Variants in TCEANC2 observed in about 807,000 individuals in gnomAD.
TCEANC2 encodes transcription elongation factor A N-terminal and central domain-containing protein 2.
A neutral mutation model predicts 22.8 loss-of-function variants in TCEANC2; 20 were observed. That is an observed-to-expected ratio of 0.88 (90% confidence interval 0.62 to 1.28). The LOEUF (loss-of-function observed/expected upper bound fraction) is 1.28. Among genes scored for constraint, TCEANC2 ranks in the 50% most tolerant of loss-of-function variants. The pLI is 0.00. For missense variants in TCEANC2, 251 were observed against 249.7 expected (o/e 1.01, Z -0.03); for synonymous variants, 84 against 95.5 (o/e 0.88, Z 0.70).
downstream of TCEANC2, among the ~76,000 whole-genome samples, chr1:54,109,832 C>G (rs1009767815): frequency 6.6e-6 from 1 of 152,182 alleles, no homozygotes; most frequent in African/African-American, 2.4e-5. Context: ...ATGTAGACAG[C>G]AAGGCTCCCA....
intron 3 of TCEANC2, among the ~76,000 whole-genome samples, chr1:54,075,911 GGCTGAGGCAGGAGAACCCGGGAA>G (rs1214812617): frequency 4.6e-5 from 7 of 151,834 alleles, no homozygotes; most frequent in South Asian, 2.1e-4. Context: ...CTACTCGGGA[GGCTGAGGCAGGAGAACCCGGGAA>G]GCTGAGGCAG....
intron 3 of TCEANC2, among the ~76,000 whole-genome samples, chr1:54,084,020 GT>G (rs34774545): frequency 0.33 from 48,758 of 146,424 alleles, 8,067 homozygotes; most frequent in Admixed American, 0.44. Context: ...GTTTTGTCGG[GT>G]TTTTTTTTTT....
chr1:54,109,541 C>T (rs570772800), downstream of TCEANC2, among the ~76,000 whole-genome samples: 2 of 152,190 alleles, frequency 1.3e-5, no homozygotes, highest in Non-Finnish European at 2.9e-5. Flanking sequence ...TATTTGTTAA[C>T]CAGCAAATAT....
At position 54,104,834 on chromosome 1, in the gene TCEANC2, G is replaced by A. The variant is rs1439824059; in HGVS notation, c.*8361G>A. The A allele has an allele frequency of 1.1e-5, 4 of 350,172 alleles. No homozygotes were observed. Among genetic ancestry groups the A allele is most frequent in the East Asian group, 7.8e-5 (1 of 12,802 alleles). The allele number at this position is 350,172 out of a possible 1,614,324, so 21.7% of individuals were successfully genotyped here. ...TGGGATTACAGGCGTGAGCCACTGC[G>A]CCTGGCCCCTTGCCCAATATTTATA... On this transcript the variant is annotated 3_prime_UTR_variant, in exon 5 of 5. Coordinates refer to ENST00000234827, the MANE Select transcript of TCEANC2 (RefSeq NM_153035.3).
chr1:54,081,747 C>T (rs1262984251), intron 3 of TCEANC2, among the ~76,000 whole-genome samples: 1 of 152,170 alleles, frequency 6.6e-6, no homozygotes, highest in African/African-American at 2.4e-5. Flanking sequence ...TACAGCCCTA[C>T]CTACGCTTCC....
At chr1:54,095,969 T>A (rs1261937700) in intron 4 of TCEANC2, among the ~76,000 whole-genome samples, 1 of 152,128 alleles carries the variant, frequency 6.6e-6, no homozygotes, top group Non-Finnish European at 1.5e-5. Flanking sequence ...TTATACTGAT[T>A]TATTATTCTT....
rs1235965460 is a variant in TCEANC2 at position 54,103,889 on chromosome 1, GGATA to G, written c.*7420_*7423del. ...GGCTTATAGAATGTTTAATCTACTG[GGATA>G]GATTATGGGATCTATAGATTATGGG... is the stretch of plus-strand genomic sequence containing the variant. On this transcript the variant is annotated 3_prime_UTR_variant, in exon 5 of 5. Transcript: ENST00000234827. 2 of 152,182 alleles carry G rather than the reference GGATA, an allele frequency of 1.3e-5. No homozygotes were observed. The highest frequency in any genetic ancestry group is 4.8e-5 in the African/African-American group (2 of 41,436). The allele number at this position is 152,182 out of a possible 1,614,324, so 9.4% of individuals were successfully genotyped here.
At chr1:54,063,263 T>C (rs1298751997) in intron 2 of TCEANC2, among the ~76,000 whole-genome samples, 1 of 152,172 alleles carries the variant, frequency 6.6e-6, no homozygotes, top group African/African-American at 2.4e-5. Flanking sequence ...CTAGAAAAAT[T>C]CCATCCACTG....
intron 3 of TCEANC2, among the ~76,000 whole-genome samples, chr1:54,075,371 A>G (rs1371028308): frequency 2.0e-5 from 3 of 152,240 alleles, no homozygotes; most frequent in African/African-American, 7.2e-5. Context: ...TGCTAGGTCA[A>G]AATGAGATCT....
At chr1:54,108,887 G>A (rs1658799064), downstream of TCEANC2, among the ~76,000 whole-genome samples, 1 of 152,128 alleles carries the variant, frequency 6.6e-6, no homozygotes, top group South Asian at 2.1e-4. Flanking sequence ...CAGGAGAATG[G>A]TGTGAACCCG....
chr1:54,075,180 T>C (rs1220856764), intron 3 of TCEANC2, among the ~76,000 whole-genome samples: 1 of 152,210 alleles, frequency 6.6e-6, no homozygotes, highest in Admixed American at 6.5e-5. Context: ...GAATAATGCA[T>C]GGTTCATGTT....
intron 3 of TCEANC2, among the ~76,000 whole-genome samples, chr1:54,073,066 A>G (rs1303246230): frequency 1.3e-5 from 2 of 152,234 alleles, no homozygotes; most frequent in East Asian, 3.9e-4. Context: ...CCTGGGTTCA[A>G]GGGATCCTCC....
At chr1:54,109,867 T>C (rs558157912), downstream of TCEANC2, among the ~76,000 whole-genome samples, 1 of 152,336 alleles carries the variant, frequency 6.6e-6, no homozygotes, top group East Asian at 1.9e-4. Flanking sequence ...GTTGGATTAC[T>C]TCAGAGCCAG....
intron 2 of TCEANC2, among the ~76,000 whole-genome samples, chr1:54,065,947 C>G (rs1657946550): frequency 6.6e-6 from 1 of 151,528 alleles, no homozygotes; most frequent in African/African-American, 2.4e-5. Context: ...TGATGCATGC[C>G]TGCAGTCCCA....
chr1:54,082,303 A>T (rs1658260347), intron 3 of TCEANC2, among the ~76,000 whole-genome samples: 1 of 152,164 alleles, frequency 6.6e-6, no homozygotes, highest in African/African-American at 2.4e-5. Flanking sequence ...CTTTGGATTC[A>T]TTTCTTTACA....
intron 2 of TCEANC2, among the ~76,000 whole-genome samples, chr1:54,062,159 A>C (rs1657869490): frequency 6.6e-6 from 1 of 152,222 alleles, no homozygotes; most frequent in African/African-American, 2.4e-5. Context: ...CTTATGAGTG[A>C]ATCATTTTCC....
intron 4 of TCEANC2, among the ~76,000 whole-genome samples, chr1:54,090,384 A>T (rs922780041): frequency 6.6e-6 from 1 of 152,124 alleles, no homozygotes; most frequent in African/African-American, 2.4e-5. Context: ...AATGTTGGGC[A>T]AGTTATGATT....
intron 3 of TCEANC2, 73 bp downstream of exon 3, chr1:54,068,970 C>A: frequency 7.3e-7 from 1 of 1,373,236 alleles, no homozygotes; most frequent in Non-Finnish European, 9.5e-7. Flanking sequence ...TTCCTCTCTC[C>A]TTCAAACATG....
chr1:54,071,082 T>A (rs1201207622), intron 3 of TCEANC2, among the ~76,000 whole-genome samples: 1 of 152,090 alleles, frequency 6.6e-6, no homozygotes, highest in African/African-American at 2.4e-5. Flanking sequence ...TTTGGCGTGT[T>A]AGAAATGTAA....
Sources: allele counts gnomAD v4.1 joint callset (sites outside exome capture counted in the v4.1 genomes callset), GRCh38; gene constraint gnomAD v4.1.1; transcripts MANE v1.5; gene names NCBI Gene and HGNC (gene_info 2026-07-23, HGNC 2026-07-21).